Variants in BNC2 observed in about 807,000 individuals in gnomAD.
BNC2 encodes basonuclin zinc finger protein 2.
Under a neutral mutation model 76.3 loss-of-function variants are expected in BNC2, and 20 were observed. The observed-to-expected ratio is 0.26, with a 90% confidence interval of 0.18 to 0.38. The LOEUF (loss-of-function observed/expected upper bound fraction) is 0.38, where lower values mean the gene tolerates loss of function less well. Ranked by LOEUF, BNC2 falls within the 10% of genes least tolerant of loss-of-function variation. The pLI, the probability that BNC2 is intolerant of heterozygous loss-of-function variation, is 1.00. For synonymous variants in BNC2, 582 were observed against 514.8 expected, an observed-to-expected ratio of 1.13 and a Z score of -1.77; for missense variants, 1,382 against 1,399.8, an observed-to-expected ratio of 0.99 and a Z score of 0.20.
At chr9:16,671,054 G>A (rs914208218) in intron 3 of BNC2, among the ~76,000 whole-genome samples, 7 of 152,116 alleles carry the variant, frequency 4.6e-5, no homozygotes, top group Non-Finnish European at 5.9e-5. Flanking sequence ...CAAGGGAAAT[G>A]AGAGCCAATG....
intron 3 of BNC2, among the ~76,000 whole-genome samples, chr9:16,719,051 G>A (rs1208779365): frequency 6.6e-6 from 1 of 152,150 alleles, no homozygotes. Context: ...TAAAAGAAAA[G>A]CAATATTAAA....
intron 5 of BNC2, among the ~76,000 whole-genome samples, chr9:16,508,696 A>G (rs1216955300): frequency 1.3e-5 from 2 of 152,100 alleles, no homozygotes; most frequent in African/African-American, 4.8e-5. Context: ...TTCATACACT[A>G]TGCTAGCCCC....
chr9:16,851,014 T>C (rs1408743384), intron 1 of BNC2, among the ~76,000 whole-genome samples: 2 of 152,160 alleles, frequency 1.3e-5, no homozygotes, highest in Non-Finnish European at 2.9e-5. Context: ...TATGACACCA[T>C]CACTGCATCA....
intron 1 of BNC2, among the ~76,000 whole-genome samples, chr9:16,811,385 T>G (rs562664904): frequency 6.6e-6 from 1 of 150,822 alleles, no homozygotes; most frequent in South Asian, 2.1e-4. Flanking sequence ...ACCCCATCTC[T>G]ACTAAAAATA....
intron 5 of BNC2, 59 bp from the exon 6 acceptor site, chr9:16,437,583 A>T: frequency 1.3e-6 from 2 of 1,570,508 alleles, no homozygotes; most frequent in East Asian, 4.5e-5. Context: ...GATTGTGCAT[A>T]ATTATTCAAT....
At chr9:16,618,795 C>A (rs111834625) in intron 3 of BNC2, among the ~76,000 whole-genome samples, 1 of 152,272 alleles carries the variant, frequency 6.6e-6, no homozygotes, top group African/African-American at 2.4e-5. Flanking sequence ...CCGGCTTTGT[C>A]AACAGCTGAG....
At position 16,699,942 on chromosome 9, in the gene BNC2, G is replaced by A. The variant is rs565678195; in HGVS notation, c.330+27855C>T. Among the ~76,000 whole-genome samples the A allele has an allele frequency of 4.6e-5, 7 of 152,202 alleles. No individual in the cohort carries two copies. In the South Asian group the frequency reaches 6.2e-4, roughly 14 times the overall value. ...TATAAAGATATTACAGAATTATCAT[G>A]GCAGTTAATTTGTTTTACAAGCAAT... is the stretch of plus-strand genomic sequence containing the variant. On this transcript the variant is annotated intron_variant, in intron 3 of 6. Coordinates refer to ENST00000380672, the MANE Select transcript of BNC2 (RefSeq NM_017637.6).
At chr9:16,716,499 A>G (rs183681357) in intron 3 of BNC2, among the ~76,000 whole-genome samples, 4 of 152,216 alleles carry the variant, frequency 2.6e-5, no homozygotes, top group Admixed American at 1.3e-4. Flanking sequence ...TATCTTTTAC[A>G]TTTCATTATT....
chr9:16,432,507 G>A (rs1275650582), intron 6 of BNC2, among the ~76,000 whole-genome samples: 2 of 152,160 alleles, frequency 1.3e-5, no homozygotes, highest in South Asian at 2.1e-4. Context: ...GAGAAGCCCA[G>A]GCAGACCTGT....
chr9:16,597,397 C>G (rs541476536), intron 3 of BNC2, among the ~76,000 whole-genome samples: 1 of 152,134 alleles, frequency 6.6e-6, no homozygotes, highest in Admixed American at 6.5e-5. Context: ...CCCAGTTGTA[C>G]AGTGAAATTT....
At chr9:16,646,873 C>T (rs1821643392) in intron 3 of BNC2, among the ~76,000 whole-genome samples, 1 of 152,148 alleles carries the variant, frequency 6.6e-6, no homozygotes, top group African/African-American at 2.4e-5. Context: ...AGAGGGTCTA[C>T]TGGGATGTCA....
At chr9:16,425,247 C>T (rs1374712402) in intron 6 of BNC2, among the ~76,000 whole-genome samples, 2 of 152,180 alleles carry the variant, frequency 1.3e-5, no homozygotes, top group Non-Finnish European at 2.9e-5. Flanking sequence ...TAAGCTCCTA[C>T]CAAACTCTTT....
chr9:16,788,150 T>G (rs13289920), intron 1 of BNC2, among the ~76,000 whole-genome samples: 17,211 of 152,234 alleles, frequency 0.11, 1,476 homozygotes, highest in Non-Finnish European at 0.17. Flanking sequence ...TGACTTCCAG[T>G]TCCACGGACC....
rs756865653 is a variant in BNC2 at position 16,498,240 on chromosome 9, CATAT to C, written c.669+54286_669+54289del. ...ATTCCATCATATATATATATTCCAT[CATAT>C]ATATATATATTCCATCATATATATA... On this transcript the variant is annotated intron_variant, in intron 5 of 6. Transcript: ENST00000380672. Among the ~76,000 whole-genome samples the C allele has an allele frequency of 1.5e-3, 151 of 99,106 alleles. 4 individuals are homozygous for C. The highest frequency in any genetic ancestry group is 2.1e-3 in the Non-Finnish European group (91 of 42,940). The allele number at this position is 99,106 out of a possible 152,430, so 65.0% of individuals were successfully genotyped here. A position where few individuals can be genotyped will look rare whatever the true frequency, so the allele number is the denominator to read the frequency against.
At chr9:16,726,891 A>T (rs926076489) in intron 3 of BNC2, 5 of 152,238 alleles carry the variant, frequency 3.3e-5, no homozygotes, top group African/African-American at 1.2e-4. Flanking sequence ...TCCCCCGCGG[A>T]GCCAAGGAGC....
chr9:16,517,787 C>T (rs10756756), intron 5 of BNC2, among the ~76,000 whole-genome samples: 11 of 151,954 alleles, frequency 7.2e-5, no homozygotes, highest in Non-Finnish European at 1.6e-4. Context: ...TTGTAGGTTC[C>T]ATGTAACCAT....
intron 1 of BNC2, among the ~76,000 whole-genome samples, chr9:16,781,761 TTGA>T (rs1270348286): frequency 2.0e-5 from 3 of 152,310 alleles, no homozygotes; most frequent in East Asian, 1.9e-4. Flanking sequence ...TGAATAATAG[TTGA>T]TGATAGAATA....
chr9:16,682,327 T>C (rs943288340), intron 3 of BNC2, among the ~76,000 whole-genome samples: 1 of 151,120 alleles, frequency 6.6e-6, no homozygotes. Context: ...AATCCGTTCA[T>C]AGTGATCGAC....
At chr9:16,446,868 T>C (rs974670528) in intron 5 of BNC2, among the ~76,000 whole-genome samples, 1 of 152,132 alleles carries the variant, frequency 6.6e-6, no homozygotes, top group African/African-American at 2.4e-5. Flanking sequence ...ATTTCTTCCT[T>C]GTACTGAGGA....
Sources: allele counts gnomAD v4.1 joint callset (sites outside exome capture counted in the v4.1 genomes callset), GRCh38; gene constraint gnomAD v4.1.1; transcripts MANE v1.5; gene names NCBI Gene and HGNC (gene_info 2026-07-23, HGNC 2026-07-21).